RIMBP2: variants seen among roughly 807,000 people sequenced by gnomAD.
The protein encoded by RIMBP2 is RIMS binding protein 2.
Under a neutral mutation model 118.6 loss-of-function variants are expected in RIMBP2, and 48 were observed. The ratio of observed to expected loss-of-function variants is 0.40; its 90% CI spans 0.32 to 0.51. The LOEUF is 0.51. RIMBP2 is among the 20% of genes least tolerant of loss of function. RIMBP2 has a pLI of 0.41. For synonymous variants in RIMBP2, 762 were observed against 742.9 expected (o/e 1.03, Z -0.42); for missense variants, 1,551 against 1,768.3 (o/e 0.88, Z 2.20).
At chr12:130,556,533 C>T (rs942033750) in intron 2 of RIMBP2, among the ~76,000 whole-genome samples, 25 of 152,322 alleles carry the variant, frequency 1.6e-4, no homozygotes, top group South Asian at 6.2e-4. Flanking sequence ...CAGCCAGGGA[C>T]GCTCGGGCAC....
In RIMBP2 at chr12:130,424,863, C is replaced by CGGG; in HGVS notation, c.2413-8_2413-6dup. ...GGTCCTATGGTCAGTGCAGTCCTTA[C>CGGG]GGGGTGGTGTGTCAAGAACAGGCGC... is the stretch of plus-strand genomic sequence containing the variant. On this transcript the variant is annotated splice_region_variant and splice_polypyrimidine_tract_variant and intron_variant, in intron 15 of 22. Transcript: ENST00000690449. This position sits in a 1 kb window ranked among gnomAD's most constrained non-coding sequence, Gnocchi z 9.8. 1 of 1,231,320 alleles carries CGGG rather than the reference C, an allele frequency of 8.1e-7. No homozygotes were observed. Among genetic ancestry groups the CGGG allele is most frequent in the Non-Finnish European group, 1.0e-6 (1 of 987,258 alleles). 76.3% of individuals were successfully genotyped at this position (1,231,320 alleles called of 1,614,324 possible). A position where few individuals can be genotyped will look rare whatever the true frequency, so the allele number is the denominator to read the frequency against.
intron 2 of RIMBP2, among the ~76,000 whole-genome samples, chr12:130,583,230 G>A (rs4759729): frequency 0.018 from 2,717 of 152,182 alleles, 30 homozygotes; most frequent in Middle Eastern, 0.027. Context: ...GTGCCTCCGC[G>A]CCCCCAGCTT....
intron 1 of RIMBP2, among the ~76,000 whole-genome samples, chr12:130,649,918 G>A (rs949682888): frequency 6.6e-6 from 1 of 152,078 alleles, no homozygotes; most frequent in Admixed American, 6.5e-5. Context: ...TCAACCCATA[G>A]GCTCAGGAGA....
intron 1 of RIMBP2, among the ~76,000 whole-genome samples, chr12:130,684,181 T>C (rs2064940797): frequency 6.6e-6 from 1 of 152,148 alleles, no homozygotes; most frequent in Non-Finnish European, 1.5e-5. Context: ...GATGAACTCA[T>C]TCAACCAACT....
intron 3 of RIMBP2, 39 bp from the exon 4 acceptor site, chr12:130,506,809 A>G: frequency 1.0e-6 from 1 of 985,542 alleles, no homozygotes; most frequent in Admixed American, 6.1e-5. Flanking sequence ...GGTTATCACA[A>G]CATGCCTAAG....
chr12:130,478,178 TC>T (rs2081607742), intron 5 of RIMBP2, among the ~76,000 whole-genome samples: 1 of 152,282 alleles, frequency 6.6e-6, no homozygotes, highest in Middle Eastern at 3.4e-3. Flanking sequence ...ACTCAGTCCT[TC>T]CTTCCCTCCT....
intron 4 of RIMBP2, among the ~76,000 whole-genome samples, chr12:130,500,700 AC>A (rs1388580596): frequency 6.6e-6 from 1 of 151,822 alleles, no homozygotes; most frequent in African/African-American, 2.4e-5. Flanking sequence ...AGCTGTAACT[AC>A]CCCCGTTAAC....
rs1299994512 is a variant in RIMBP2 at position 130,451,278 on chromosome 12, G to T, written c.421C>A (p.Pro141Thr). 6.2e-7 allele frequency: 1 copy of T among 1,614,216 alleles called. No homozygotes were observed. The highest frequency in any genetic ancestry group is 1.1e-5 in the South Asian group (1 of 91,084). The stretch of plus-strand genomic sequence containing the variant: ...GACAGAGGCTCCGGCCTGTCACCAG[G>T]CTGCGGAAGGGGCCGGATATATTCA... ...IGEYIRPLPQ[P>T]GDRPEPLSAK... Residue 141 changes from proline to threonine, a missense_variant, in exon 8 of 23, where the codon CCT (proline) becomes ACT (threonine). Coordinates refer to ENST00000690449, the MANE Select transcript of RIMBP2 (RefSeq NM_001393629.1).
At chr12:130,557,854 G>A (rs1566258970) in intron 2 of RIMBP2, among the ~76,000 whole-genome samples, 1 of 152,104 alleles carries the variant, frequency 6.6e-6, no homozygotes, top group Non-Finnish European at 1.5e-5. Context: ...ACAGACCCTG[G>A]GGTCAAAGCG....
chr12:130,583,277 G>A lies in RIMBP2; in HGVS notation c.-217+45045C>T, dbSNP rs1593900402. Among the ~76,000 whole-genome samples the A allele has an allele frequency of 2.0e-5, 3 of 152,196 alleles. No individual in the cohort carries two copies. In the South Asian group the frequency reaches 6.2e-4, roughly 32 times the overall value. ...GAGGGATTTTAGCACCTTCCTTGTG[G>A]GATTGTCAGGAAGATTAAATAAGCT... On this transcript the variant is annotated intron_variant, in intron 2 of 22. Coordinates refer to ENST00000690449, the MANE Select transcript of RIMBP2 (RefSeq NM_001393629.1).
Position 130,431,348 on chromosome 12 carries a change from AG to A in RIMBP2, c.2254-3012del. On this transcript the variant is annotated intron_variant, in intron 14 of 22. Coordinates refer to ENST00000690449, the MANE Select transcript of RIMBP2 (RefSeq NM_001393629.1). The surrounding 1 kb of genome is among the most constrained non-coding windows in gnomAD (Gnocchi z 4.0). ...GGGCAGCATGGGGAAGCGGATGGTC[AG>A]GGAACACTTCCCGGGTTGTAAAACT... is the stretch of plus-strand genomic sequence containing the variant. The A allele has an allele frequency of 2.9e-6, 1 of 344,686 alleles. No individual in the cohort carries two copies. Among genetic ancestry groups the A allele is most frequent in the Non-Finnish European group, 6.2e-6 (1 of 162,008 alleles). The allele number at this position is 344,686 out of a possible 1,614,324, so 21.4% of individuals were successfully genotyped here.
At chr12:130,558,730 A>T (rs549855797) in intron 2 of RIMBP2, among the ~76,000 whole-genome samples, 10 of 152,234 alleles carry the variant, frequency 6.6e-5, no homozygotes, top group Non-Finnish European at 1.3e-4. Flanking sequence ...AAGACCTGCA[A>T]GGGCATCTGA....
chr12:130,685,061 C>T (rs1221167316), intron 1 of RIMBP2, among the ~76,000 whole-genome samples: 2 of 152,216 alleles, frequency 1.3e-5, no homozygotes, highest in African/African-American at 4.8e-5. Context: ...AGAAACCAAA[C>T]TTTTTGGATT....
chr12:130,668,833 C>T (rs887666188), intron 1 of RIMBP2, among the ~76,000 whole-genome samples: 3 of 152,240 alleles, frequency 2.0e-5, no homozygotes, highest in African/African-American at 7.2e-5. Context: ...CCCAGATGGA[C>T]AGCTCTGGTT....
chr12:130,518,226 G>A (rs2051685400), intron 2 of RIMBP2, among the ~76,000 whole-genome samples: 1 of 152,166 alleles, frequency 6.6e-6, no homozygotes, highest in Non-Finnish European at 1.5e-5. Flanking sequence ...TTGTTAATAA[G>A]CTTTGACCCA....
At chr12:130,467,845 G>A (rs571889769) in intron 6 of RIMBP2, among the ~76,000 whole-genome samples, 11 of 152,300 alleles carry the variant, frequency 7.2e-5, no homozygotes, top group East Asian at 1.9e-4. Flanking sequence ...AAGACCTCCC[G>A]AGGCTGTGTC....
chr12:130,644,663 G>A (rs554968613), intron 1 of RIMBP2, among the ~76,000 whole-genome samples: 12 of 152,336 alleles, frequency 7.9e-5, no homozygotes, highest in Middle Eastern at 3.4e-3. Context: ...CCTAATCACC[G>A]TCAGACTTCA....
At chr12:130,428,036 G>A in intron 15 of RIMBP2, 143 bp downstream of exon 15, 1 of 717,696 alleles carries the variant, frequency 1.4e-6, no homozygotes. Flanking sequence ...ATTCAATAGT[G>A]AGAAAGAAGC....
In RIMBP2 at chr12:130,447,113, C is replaced by T. The variant is rs1044146989; in HGVS notation, c.582-1844G>A. On this transcript the variant is annotated intron_variant, in intron 9 of 22. Transcript: ENST00000690449. The surrounding 1 kb of genome is among the most constrained non-coding windows in gnomAD (Gnocchi z 4.4). Reference sequence around the variant, plus strand: ...GAGGAGGGAGCGAGAGGAACAGGAGCCCCCAGGCCACGCCTTCAGGAGTGC... The same window carrying T: ...GAGGAGGGAGCGAGAGGAACAGGAGTCCCCAGGCCACGCCTTCAGGAGTGC... Among the ~76,000 whole-genome samples the T allele has an allele frequency of 2.6e-5, 4 of 151,492 alleles. No individual in the cohort carries two copies. Among genetic ancestry groups the T allele is most frequent in the African/African-American group, 9.7e-5 (4 of 41,132 alleles).
Sources: gnomAD v4.1 joint callset for allele counts (sites outside exome capture counted in the v4.1 genomes callset) on GRCh38, gnomAD v4.1.1 for gene constraint, Gnocchi (gnomAD v3.1) non-coding constraint, MANE v1.5 for transcripts, NCBI Gene and HGNC (gene_info 2026-07-23, HGNC 2026-07-21) for gene names.